Variants in GRIA1 observed in about 807,000 individuals in gnomAD.
GRIA1 encodes the protein glutamate receptor 1.
In GRIA1, 31 loss-of-function variants were observed where a neutral mutation model predicts 99.2. The ratio of observed to expected loss-of-function variants is 0.31; its 90% CI spans 0.23 to 0.42. GRIA1 has a LOEUF of 0.42. Among genes scored for constraint, GRIA1 ranks in the 10% least tolerant of loss-of-function variants. GRIA1 has a pLI of 1.00. For missense variants in GRIA1, 782 were observed against 1,157.5 expected (o/e 0.68, Z 4.71); for synonymous variants, 438 against 432.4 (o/e 1.01, Z -0.16).
chr5:153,626,444 CTGTG>C (rs3036985), intron 2 of GRIA1, among the ~76,000 whole-genome samples: 18,073 of 142,186 alleles, frequency 0.13, 936 homozygotes, highest in Non-Finnish European at 0.14. Flanking sequence ...GTGTGTGTGT[CTGTG>C]TGTGTGTGTG....
intron 2 of GRIA1, among the ~76,000 whole-genome samples, chr5:153,510,339 G>T (rs1019790179): frequency 1.3e-5 from 2 of 152,052 alleles, no homozygotes; most frequent in African/African-American, 4.8e-5. Context: ...GGTAACATTT[G>T]TAATTGAGAC....
chr5:153,646,949 G>A lies in GRIA1; in HGVS notation c.242G>A (p.Gly81Glu). 3 of 1,613,706 alleles carry A rather than the reference G, an allele frequency of 1.9e-6. No homozygotes were observed. Among genetic ancestry groups the A allele is most frequent in the Non-Finnish European group, 2.5e-6 (3 of 1,179,752 alleles). The change falls in exon 3 of 16, where the codon GGA (glycine) becomes GAA (glutamate). Residue 81 changes from glycine (G) to glutamate (E), a missense_variant. Coordinates refer to ENST00000285900, the MANE Select transcript of GRIA1 (RefSeq NM_000827.4). ...GTAGTCTGTTCCCAGTTCTCCAAAG[G>A]AGTCTATGCCATCTTTGGGTTTTAT... is the stretch of plus-strand genomic sequence containing the variant. Reference protein sequence around the residue: ...TYRFCSQFSKGVYAIFGFYER... With the variant: ...TYRFCSQFSKEVYAIFGFYER...
intron 10 of GRIA1, among the ~76,000 whole-genome samples, chr5:153,704,606 A>G (rs1758759877): frequency 6.6e-6 from 1 of 152,224 alleles, no homozygotes; most frequent in Non-Finnish European, 1.5e-5. Flanking sequence ...TTCTTCCTGA[A>G]GAAGAAAATG....
At chr5:153,745,606 A>AG (rs1762101304) in intron 11 of GRIA1, among the ~76,000 whole-genome samples, 1 of 147,520 alleles carries the variant, frequency 6.8e-6, no homozygotes, top group African/African-American at 2.5e-5. Flanking sequence ...AAAAAAAAAA[A>AG]AAAAAAGAAA....
chr5:153,781,879 A>T (rs1372421707), intron 13 of GRIA1, among the ~76,000 whole-genome samples: 4 of 152,206 alleles, frequency 2.6e-5, no homozygotes, highest in South Asian at 2.1e-4. Flanking sequence ...ATAAACTATG[A>T]CATTAGCACT....
intron 2 of GRIA1, among the ~76,000 whole-genome samples, chr5:153,516,721 G>A (rs1381822718): frequency 6.6e-6 from 1 of 152,094 alleles, no homozygotes; most frequent in South Asian, 2.1e-4. Flanking sequence ...GAAGAAATGT[G>A]TCTGCACTTT....
At chr5:153,500,191 G>A (rs1407364906) in intron 2 of GRIA1, among the ~76,000 whole-genome samples, 2 of 152,150 alleles carry the variant, frequency 1.3e-5, no homozygotes, top group African/African-American at 4.8e-5. Context: ...GCTGGGATGA[G>A]TGAGCTTACT....
chr5:153,744,204 G>A (rs1018007827), intron 11 of GRIA1, among the ~76,000 whole-genome samples: 7 of 152,096 alleles, frequency 4.6e-5, no homozygotes, highest in African/African-American at 1.7e-4. Flanking sequence ...ATTTCTTATC[G>A]ATAATAATTC....
chr5:153,795,083 C>A (rs1765563411), intron 14 of GRIA1, among the ~76,000 whole-genome samples: 1 of 152,074 alleles, frequency 6.6e-6, no homozygotes, highest in South Asian at 2.1e-4. Flanking sequence ...CCCTTTTTTT[C>A]AAAGGGCCTG....
intron 5 of GRIA1, among the ~76,000 whole-genome samples, chr5:153,665,628 A>G (rs1183137472): frequency 1.3e-5 from 2 of 152,240 alleles, no homozygotes; most frequent in African/African-American, 4.8e-5. Flanking sequence ...ACACATATCC[A>G]TATTCATGCG....
intron 10 of GRIA1, among the ~76,000 whole-genome samples, chr5:153,702,401 C>A (rs1003912390): frequency 1.3e-5 from 2 of 152,204 alleles, no homozygotes; most frequent in South Asian, 4.1e-4. Flanking sequence ...CCGGGGCCAC[C>A]CCTGTGAAAC....
chr5:153,716,334 A>G (rs1355941288), intron 11 of GRIA1, among the ~76,000 whole-genome samples: 1 of 152,200 alleles, frequency 6.6e-6, no homozygotes, highest in Non-Finnish European at 1.5e-5. Flanking sequence ...TTTATCCTTG[A>G]CACACAGCTG....
intron 2 of GRIA1, among the ~76,000 whole-genome samples, chr5:153,537,147 C>T (rs2113467373): frequency 6.6e-6 from 1 of 152,338 alleles, no homozygotes; most frequent in East Asian, 1.9e-4. Context: ...GCTGTCCCCT[C>T]TCAACGCCAT....
At chr5:153,715,419 A>G (rs1759600334) in intron 11 of GRIA1, among the ~76,000 whole-genome samples, 1 of 151,998 alleles carries the variant, frequency 6.6e-6, no homozygotes, top group South Asian at 2.1e-4. Context: ...ATTTATAGTC[A>G]TAGTTATAAG....
At chr5:153,791,321 C>A (rs1765293761) in intron 13 of GRIA1, among the ~76,000 whole-genome samples, 1 of 151,738 alleles carries the variant, frequency 6.6e-6, no homozygotes, top group Non-Finnish European at 1.5e-5. Context: ...CCTGCTTTGG[C>A]TCCTTCCTTG....
chr5:153,540,328 G>A (rs1304432069), intron 2 of GRIA1, among the ~76,000 whole-genome samples: 2 of 152,192 alleles, frequency 1.3e-5, no homozygotes, highest in Non-Finnish European at 2.9e-5. Flanking sequence ...ACTACAGCAG[G>A]GTCTGGCTTG....
At chr5:153,563,955 C>T (rs1430819908) in intron 2 of GRIA1, among the ~76,000 whole-genome samples, 1 of 152,180 alleles carries the variant, frequency 6.6e-6, no homozygotes, top group African/African-American at 2.4e-5. Context: ...CTTGCTTTTA[C>T]AGACAGAAAC....
chr5:153,707,096 G>T (rs541492159), intron 11 of GRIA1, among the ~76,000 whole-genome samples: 3 of 152,070 alleles, frequency 2.0e-5, no homozygotes, highest in Non-Finnish European at 2.9e-5. Flanking sequence ...TCCAGCCTGG[G>T]TGACAGAGTG....
chr5:153,535,040 G>A (rs1283678291), intron 2 of GRIA1, among the ~76,000 whole-genome samples: 1 of 152,086 alleles, frequency 6.6e-6, no homozygotes, highest in East Asian at 1.9e-4. Flanking sequence ...TCCTGCCACA[G>A]CCTCCTGAGT....
Sources: gnomAD v4.1 joint callset for allele counts (sites outside exome capture counted in the v4.1 genomes callset) on GRCh38, gnomAD v4.1.1 for gene constraint, MANE v1.5 for transcripts, NCBI Gene and HGNC (gene_info 2026-07-23, HGNC 2026-07-21) for gene names.